BLTP1: variants seen among roughly 807,000 people sequenced by gnomAD.
BLTP1 encodes bridge-like lipid transfer protein family member 1, also known as fragile site-associated protein.
chr4:122,285,641 A>G, the BLTP1 span, among the ~76,000 whole-genome samples: 1 of 152,178 alleles, frequency 6.6e-6, no homozygotes, highest in East Asian at 1.9e-4. Flanking sequence ...AAAAAAGAGA[A>G]TTATTTCTGG....
the BLTP1 span, chr4:122,315,756 C>A: frequency 6.9e-7 from 1 of 1,455,848 alleles, no homozygotes; most frequent in South Asian, 1.2e-5. Flanking sequence ...ATTTTTTGTT[C>A]AGTGTTATTT....
chr4:122,325,867 G>T, the BLTP1 span: 1 of 1,168,558 alleles, frequency 8.6e-7, no homozygotes, highest in Non-Finnish European at 1.1e-6. Flanking sequence ...GAAAAATACA[G>T]TATGGGGAAG....
the BLTP1 span, chr4:122,207,588 C>A: frequency 6.2e-7 from 1 of 1,601,248 alleles, no homozygotes; most frequent in Non-Finnish European, 8.5e-7. Flanking sequence ...TTTTTCTTTG[C>A]CTTTTACGGA....
chr4:122,182,245 A>G, the BLTP1 span, among the ~76,000 whole-genome samples: 1 of 152,196 alleles, frequency 6.6e-6, no homozygotes, highest in African/African-American at 2.4e-5. Context: ...AGTCAAGGGA[A>G]GGCCAGTATT....
At chr4:122,343,446 G>A in the BLTP1 span, 3 of 1,613,952 alleles carry the variant, frequency 1.9e-6, no homozygotes, top group African/African-American at 1.3e-5. Flanking sequence ...GGCCGAAGTC[G>A]ACATAGTAGT....
chr4:122,267,051 A>ATTATTTTTTTTTTTTTTTTTT, the BLTP1 span: 1 of 138,564 alleles, frequency 7.2e-6, no homozygotes, highest in African/African-American at 7.0e-5. Context: ...TAAGGAAGTA[A>ATTATTTTTTTTTTTTTTTTTT]TTTTTTTTTT....
At chr4:122,168,695 T>C in the BLTP1 span, among the ~76,000 whole-genome samples, 3 of 152,044 alleles carry the variant, frequency 2.0e-5, no homozygotes, top group African/African-American at 4.8e-5. Context: ...TACGAGAACA[T>C]TTTTTACTCA....
the BLTP1 span, chr4:122,288,774 T>C: frequency 5.4e-6 from 3 of 560,580 alleles, no homozygotes; most frequent in South Asian, 7.8e-5. Flanking sequence ...TAAATTTTAC[T>C]CTAGGAGAAA....
At chr4:122,246,983 T>C in the BLTP1 span, 3 of 874,332 alleles carry the variant, frequency 3.4e-6, no homozygotes, top group African/African-American at 1.8e-5. Flanking sequence ...CTTTAAAAAA[T>C]TTTTACTGTT....
the BLTP1 span, chr4:122,313,980 A>G: frequency 9.9e-6 from 9 of 909,526 alleles, no homozygotes; most frequent in Non-Finnish European, 1.2e-5. Context: ...AATGTAGTTA[A>G]GGCACATGTA....
At chr4:122,272,298 T>G in the BLTP1 span, 10 of 1,613,374 alleles carry the variant, frequency 6.2e-6, no homozygotes, top group Non-Finnish European at 7.6e-6. Flanking sequence ...GTGTTTGGGA[T>G]TGGCATGGTG....
At chr4:122,298,414 G>C in the BLTP1 span, among the ~76,000 whole-genome samples, 2 of 152,146 alleles carry the variant, frequency 1.3e-5, no homozygotes, top group East Asian at 3.9e-4. Flanking sequence ...TTTTGTGGCA[G>C]TATTCTAACA....
At chr4:122,219,895 T>C in the BLTP1 span, among the ~76,000 whole-genome samples, 1 of 152,160 alleles carries the variant, frequency 6.6e-6, no homozygotes, top group Admixed American at 6.5e-5. Context: ...TTAGCTTTTA[T>C]CTCTAGACCC....
chr4:122,228,847 G>T, the BLTP1 span, among the ~76,000 whole-genome samples: 1 of 152,130 alleles, frequency 6.6e-6, no homozygotes, highest in Non-Finnish European at 1.5e-5. Flanking sequence ...GTTTCAGTAA[G>T]AAATTGTCTA....
the BLTP1 span, chr4:122,362,412 C>T: frequency 1.8e-6 from 1 of 554,806 alleles, no homozygotes; most frequent in South Asian, 2.4e-5. Flanking sequence ...ATTCTGTGTA[C>T]AGTGAAGTAT....
chr4:122,339,965 A>G, the BLTP1 span, among the ~76,000 whole-genome samples: 3 of 152,172 alleles, frequency 2.0e-5, no homozygotes, highest in Non-Finnish European at 4.4e-5. Context: ...ATTCCTCACT[A>G]TGTTAAAGCT....
chr4:122,205,639 CCTT>C, the BLTP1 span, among the ~76,000 whole-genome samples: 5 of 25,718 alleles, frequency 1.9e-4, 1 homozygote, highest in East Asian at 3.2e-3. Context: ...GTTTCCCCCC[CCTT>C]CTCTCTCTCT....
chr4:122,328,176 G>A, the BLTP1 span: 1 of 1,610,994 alleles, frequency 6.2e-7, no homozygotes, highest in Non-Finnish European at 8.5e-7. Context: ...ATCAAATAGT[G>A]AAGGATCATG....
At chr4:122,328,362 G>A in the BLTP1 span, 2 of 1,601,274 alleles carry the variant, frequency 1.2e-6, no homozygotes, top group Non-Finnish European at 1.7e-6. Flanking sequence ...ACCCTCGTGA[G>A]TAACCTTATT....
Sources: gnomAD v4.1 joint callset for allele counts (sites outside exome capture counted in the v4.1 genomes callset) on GRCh38, gnomAD v4.1.1 for gene constraint, MANE v1.5 for transcripts, NCBI Gene and HGNC (gene_info 2026-07-23, HGNC 2026-07-21) for gene names.